Variants in RYK observed in about 807,000 individuals in gnomAD.
RYK encodes inactive tyrosine-protein kinase RYK.
A neutral mutation model predicts 70.2 loss-of-function variants in RYK; 21 were observed. That is an observed-to-expected ratio of 0.30 (90% CI 0.21 to 0.43). The LOEUF is 0.43. Among genes scored for constraint, RYK ranks in the 20% least tolerant of loss-of-function variants. RYK has a pLI of 1.00. For synonymous variants in RYK, 267 were observed against 278.0 expected (o/e 0.96, Z 0.39); for missense variants, 604 against 753.3 (o/e 0.80, Z 2.32).
chr3:134,250,383 G>A (rs1260781164), intron 1 of RYK, 40 bp downstream of exon 1: 3 of 1,309,712 alleles, frequency 2.3e-6, no homozygotes, highest in East Asian at 3.2e-5. Context: ...TGCCCCAGCC[G>A]GCCCGACCTG....
At position 134,229,798 on chromosome 3, in the gene RYK, T is replaced by C. The variant is rs115995669; in HGVS notation, c.233-7259A>G. On this transcript the variant is annotated intron_variant, in intron 1 of 14. Transcript: ENST00000623711. ...TAATTATATACATACCCAATAAGCA[T>C]ATGAAGAGGTGCTAAACATCCTTAG... Among the ~76,000 whole-genome samples the C allele has an allele frequency of 4.8e-3, 726 of 152,154 alleles. 9 individuals are homozygous for C. Among genetic ancestry groups the C allele is most frequent in the Non-Finnish European group, 8.0e-3 (544 of 67,994 alleles).
intron 5 of RYK, among the ~76,000 whole-genome samples, chr3:134,203,209 A>G (rs1173904879): frequency 6.6e-6 from 1 of 152,140 alleles, no homozygotes; most frequent in African/African-American, 2.4e-5. Flanking sequence ...TTAGCTGGGC[A>G]TGGTGGCAGG....
chr3:134,205,997 C>T (rs1307056859), intron 5 of RYK, among the ~76,000 whole-genome samples: 2 of 152,120 alleles, frequency 1.3e-5, no homozygotes, highest in South Asian at 2.1e-4. Context: ...CAAGAATATG[C>T]AGTACTGCTC....
chr3:134,183,547 A>C (rs1225621659), intron 9 of RYK: 4 of 152,250 alleles, frequency 2.6e-5, no homozygotes, highest in African/African-American at 9.7e-5. Flanking sequence ...TCAAATTGAG[A>C]CACAAAAAAT....
intron 9 of RYK, among the ~76,000 whole-genome samples, chr3:134,187,711 C>T (rs1392630318): frequency 6.6e-6 from 1 of 151,546 alleles, no homozygotes; most frequent in East Asian, 1.9e-4. Flanking sequence ...TATGCTACCA[C>T]ACCCAGCTAC....
chr3:134,228,991 T>C (rs894798273), intron 1 of RYK, among the ~76,000 whole-genome samples: 5 of 151,934 alleles, frequency 3.3e-5, no homozygotes, highest in Non-Finnish European at 7.4e-5. Context: ...TAATAATGTG[T>C]AAATAAAAAA....
intron 3 of RYK, among the ~76,000 whole-genome samples, chr3:134,210,402 T>C (rs1019195409): frequency 7.9e-5 from 12 of 152,232 alleles, no homozygotes; most frequent in African/African-American, 2.9e-4. Flanking sequence ...ATATAATTTT[T>C]TTCCCCAATC....
At chr3:134,218,908 A>G (rs544492105) in intron 2 of RYK, among the ~76,000 whole-genome samples, 19 of 152,306 alleles carry the variant, frequency 1.2e-4, no homozygotes, top group South Asian at 2.1e-4. Flanking sequence ...AGAATCAACT[A>G]GATTTAGAAA....
intron 1 of RYK, among the ~76,000 whole-genome samples, chr3:134,234,730 A>T (rs969072701): frequency 6.6e-6 from 1 of 152,152 alleles, no homozygotes; most frequent in Non-Finnish European, 1.5e-5. Flanking sequence ...GAGATTAATA[A>T]AACTTTTGTT....
chr3:134,176,608 T>A (rs562336599), intron 11 of RYK, among the ~76,000 whole-genome samples: 5 of 151,784 alleles, frequency 3.3e-5, no homozygotes, highest in Non-Finnish European at 7.4e-5. Context: ...TAGCCAGGTA[T>A]GGTGGCATGT....
At chr3:134,213,778 T>C (rs769512929) in intron 2 of RYK, among the ~76,000 whole-genome samples, 11 of 152,124 alleles carry the variant, frequency 7.2e-5, no homozygotes, top group Non-Finnish European at 1.5e-4. Flanking sequence ...CCTCATGCCC[T>C]CATGCAAATC....
chr3:134,193,187 CT>C (rs59588313), intron 7 of RYK, among the ~76,000 whole-genome samples: 460 of 143,614 alleles, frequency 3.2e-3, no homozygotes, highest in Non-Finnish European at 4.6e-3. Context: ...TTTCCCTTGA[CT>C]TTTTTTTTTT....
intron 1 of RYK, among the ~76,000 whole-genome samples, chr3:134,248,040 A>G (rs2015510601): frequency 6.6e-6 from 1 of 152,106 alleles, no homozygotes; most frequent in Non-Finnish European, 1.5e-5. Flanking sequence ...CTCAGTACAC[A>G]TCTCAGTCCT....
At chr3:134,185,979 T>C (rs1337240477) in intron 9 of RYK, among the ~76,000 whole-genome samples, 3 of 152,186 alleles carry the variant, frequency 2.0e-5, no homozygotes, top group African/African-American at 7.2e-5. Context: ...AGTCTCATCC[T>C]AGTCTTTTAA....
At chr3:134,178,800 C>G (rs1560004814) in intron 10 of RYK, 1 of 152,186 alleles carries the variant, frequency 6.6e-6, no homozygotes, top group Admixed American at 6.5e-5. Flanking sequence ...AACACCTCCT[C>G]CACTGACATC....
intron 4 of RYK, among the ~76,000 whole-genome samples, chr3:134,208,568 T>G (rs1234175940): frequency 2.0e-5 from 3 of 152,200 alleles, no homozygotes; most frequent in Non-Finnish European, 4.4e-5. Context: ...TCTTAAAATG[T>G]CTATTCAAAT....
intron 1 of RYK, among the ~76,000 whole-genome samples, chr3:134,240,476 T>A (rs2015295477): frequency 6.6e-6 from 1 of 152,194 alleles, no homozygotes; most frequent in Non-Finnish European, 1.5e-5. Flanking sequence ...AAATGCCCCA[T>A]TCACAGGGGA....
At chr3:134,163,431 A>G (rs957352317) in intron 13 of RYK, among the ~76,000 whole-genome samples, 1 of 152,198 alleles carries the variant, frequency 6.6e-6, no homozygotes, top group African/African-American at 2.4e-5. Context: ...TTTACGAAAG[A>G]TTGTGGCTAT....
intron 1 of RYK, among the ~76,000 whole-genome samples, chr3:134,234,263 A>G (rs899496465): frequency 6.6e-6 from 1 of 152,178 alleles, no homozygotes; most frequent in African/African-American, 2.4e-5. Flanking sequence ...CAAAAATAAA[A>G]TTCAATTTAG....
Sources: gnomAD v4.1 joint callset for allele counts (sites outside exome capture counted in the v4.1 genomes callset) on GRCh38, gnomAD v4.1.1 for gene constraint, MANE v1.5 for transcripts, NCBI Gene and HGNC (gene_info 2026-07-23, HGNC 2026-07-21) for gene names.